The following THADA variants were observed in gnomAD, a reference collection of about 807,000 sequenced individuals.
THADA encodes tRNA (32-2'-O)-methyltransferase regulator THADA.
Under a neutral mutation model 219.8 loss-of-function variants are expected in THADA, and 213 were observed. That is an observed-to-expected ratio of 0.97 (90% CI 0.87 to 1.09). THADA has a LOEUF of 1.09. Ranked by LOEUF, THADA falls within the 50% of genes least tolerant of loss-of-function variation. THADA has a pLI of 0.00. For missense variants in THADA, 2,956 were observed against 2,311.3 expected (o/e 1.28, Z -5.72); for synonymous variants, 1,018 against 828.9 (o/e 1.23, Z -3.92).
intron 29 of THADA, among the ~76,000 whole-genome samples, chr2:43,368,369 G>A (rs955049910): frequency 2.6e-5 from 4 of 151,908 alleles, no homozygotes; most frequent in African/African-American, 4.8e-5. Context: ...TCTCAACATC[G>A]TTAGCCCCTT....
At chr2:43,234,153 G>A (rs1338178304) in intron 36 of THADA, among the ~76,000 whole-genome samples, 1 of 152,214 alleles carries the variant, frequency 6.6e-6, no homozygotes, top group African/African-American at 2.4e-5. Context: ...TATGGGTTGG[G>A]TATTATGTAA....
At chr2:43,495,777 G>C (rs1688200504) in intron 25 of THADA, among the ~76,000 whole-genome samples, 1 of 152,158 alleles carries the variant, frequency 6.6e-6, no homozygotes, top group Non-Finnish European at 1.5e-5. Context: ...TGATATTTCT[G>C]ACAATCACTT....
At chr2:43,251,700 C>T (rs551766029) in intron 36 of THADA, among the ~76,000 whole-genome samples, 1 of 152,338 alleles carries the variant, frequency 6.6e-6, no homozygotes, top group African/African-American at 2.4e-5. Context: ...TCATGTCATG[C>T]ACCTTACAAT....
chr2:43,541,806 T>C (rs935232145), intron 20 of THADA, among the ~76,000 whole-genome samples: 1 of 152,194 alleles, frequency 6.6e-6, no homozygotes, highest in African/African-American at 2.4e-5. Flanking sequence ...GTATTTTAAT[T>C]TATTATTTTC....
At chr2:43,583,170 G>A (rs1017140453) in intron 7 of THADA, among the ~76,000 whole-genome samples, 1 of 151,976 alleles carries the variant, frequency 6.6e-6, no homozygotes, top group East Asian at 1.9e-4. Flanking sequence ...TTTTTACTTG[G>A]ATGTCTAACA....
At chr2:43,380,758 T>C (rs1671912646) in intron 29 of THADA, among the ~76,000 whole-genome samples, 1 of 152,076 alleles carries the variant, frequency 6.6e-6, no homozygotes, top group Admixed American at 6.5e-5. Context: ...ATTCTATACC[T>C]AGAAAAGGGA....
chr2:43,578,042 C>T (rs1412748057), intron 9 of THADA, among the ~76,000 whole-genome samples: 1 of 151,584 alleles, frequency 6.6e-6, no homozygotes, highest in Non-Finnish European at 1.5e-5. Context: ...GTTATTGTTG[C>T]TTTATCTGAA....
intron 36 of THADA, among the ~76,000 whole-genome samples, chr2:43,255,007 C>G (rs1238444571): frequency 6.6e-6 from 1 of 152,138 alleles, no homozygotes; most frequent in African/African-American, 2.4e-5. Context: ...TCAAAACCAA[C>G]CAAAGCAGCT....
intron 36 of THADA, among the ~76,000 whole-genome samples, chr2:43,267,304 G>A (rs1422153939): frequency 6.6e-6 from 1 of 152,208 alleles, no homozygotes; most frequent in African/African-American, 2.4e-5. Context: ...TGAGAGGGTG[G>A]ACTCCCAACA....
In THADA at chr2:43,589,345, T is replaced by C. The variant is rs543620167; in HGVS notation, c.302+1479A>G. Among the ~76,000 whole-genome samples, 6 of 152,308 alleles carry C rather than the reference T, an allele frequency of 3.9e-5. No individual in the cohort carries two copies. The East Asian group carries it at 1.2e-3, about 29-fold the overall frequency. On this transcript the variant is annotated intron_variant, in intron 4 of 37. Coordinates refer to ENST00000405975, the MANE Select transcript of THADA (RefSeq NM_022065.5). ...TAACAGGGATGAACCTTAAGGACAT[T>C]ATGTTAAGTGAAATAAGTCAGTCAC...
intron 29 of THADA, among the ~76,000 whole-genome samples, chr2:43,394,189 T>C (rs564299041): frequency 6.6e-6 from 1 of 152,366 alleles, no homozygotes; most frequent in South Asian, 2.1e-4. Context: ...CCTTTTCTAA[T>C]GTGTGTTACT....
chr2:43,592,334 T>C lies in THADA; in HGVS notation c.59A>G (p.Asp20Gly), dbSNP rs1180750653. ...TCACCTACATTTCAAAGTTTCAAGG[T>C]CCTGATGGCAAATGGTCAGCGCAGC... The part of the protein sequence containing the change: ...QVAALTICHQ[D>G]LETLKSFADV... Residue 20 changes from aspartate (D) to glycine (G), a missense_variant, in exon 2 of 38, where the codon GAC becomes GGC. Asp to Gly is a moderately conservative substitution (Grantham distance 94). Transcript: ENST00000405975. 6.8e-6 allele frequency: 11 copies of C among 1,607,414 alleles called. No individual in the cohort carries two copies. Among genetic ancestry groups the C allele is most frequent in the Non-Finnish European group, 9.3e-6 (11 of 1,177,012 alleles).
chr2:43,232,379 C>T (rs891323454), intron 37 of THADA, among the ~76,000 whole-genome samples: 6 of 152,038 alleles, frequency 3.9e-5, no homozygotes, highest in East Asian at 1.9e-4. Context: ...GGGGTTTCAC[C>T]GTGTTAGCCA....
At chr2:43,290,597 A>AT (rs2104360327) in intron 34 of THADA, among the ~76,000 whole-genome samples, 1 of 152,142 alleles carries the variant, frequency 6.6e-6, no homozygotes, top group African/African-American at 2.4e-5. Context: ...ATTTAATGTA[A>AT]TTATCTAACT....
Position 43,505,751 on chromosome 2 carries a change from G to T in THADA, c.3508-16C>A. The stretch of plus-strand genomic sequence containing the variant: ...CCAACAGTGCCTATGGAAAAAGAAT[G>T]CAAAAATTAACAGGGTTCTTAGTTT... On this transcript the variant is annotated splice_polypyrimidine_tract_variant and intron_variant, in intron 23 of 37. Coordinates refer to ENST00000405975, the MANE Select transcript of THADA (RefSeq NM_022065.5). 6.5e-7 allele frequency: 1 copy of T among 1,539,928 alleles called. No homozygotes were observed. Among genetic ancestry groups the T allele is most frequent in the Non-Finnish European group, 8.8e-7 (1 of 1,131,226 alleles).
At position 43,467,687 on chromosome 2, in the gene THADA, C is replaced by T. The variant is rs150599505; in HGVS notation, c.3836+17547G>A. ...CAAACTACATCTGTTTTGAGGCTCA[C>T]AGTATAAACTGGTAAATAAGAAAAA... On this transcript the variant is annotated intron_variant, in intron 26 of 37. Coordinates refer to ENST00000405975, the MANE Select transcript of THADA (RefSeq NM_022065.5). Among the ~76,000 whole-genome samples, 8 of 152,266 alleles carry T rather than the reference C, an allele frequency of 5.3e-5. No individual in the cohort carries two copies. The East Asian group carries it at 7.7e-4, about 15-fold the overall frequency.
chr2:43,560,911 G>A (rs1219435496), intron 15 of THADA, among the ~76,000 whole-genome samples: 1 of 151,906 alleles, frequency 6.6e-6, no homozygotes, highest in Non-Finnish European at 1.5e-5. Context: ...CAGCTACTTG[G>A]GAGGCTGAGG....
In THADA at chr2:43,571,720, G is replaced by C; in HGVS notation, c.2051C>G (p.Ser684Cys). The C allele has an allele frequency of 1.2e-6, 2 of 1,613,342 alleles. No homozygotes were observed. The highest frequency in any genetic ancestry group is 1.7e-6 in the Non-Finnish European group (2 of 1,179,592). The stretch of plus-strand genomic sequence containing the variant: ...GGGAAATTCTACCTTTTTAAGAAGA[G>C]AACAGATCTGTTGCCGCACTCCTGG... ...QSPGVRQQIC[S>C]LLKKLFCRIQ... is the part of the protein sequence containing the mutation. The change falls in exon 13 of 38, where the codon TCT (serine) becomes TGT (cysteine). Residue 684 changes from serine (S) to cysteine (C), a missense_variant. Coordinates refer to ENST00000405975, the MANE Select transcript of THADA (RefSeq NM_022065.5).
intron 1 of THADA, among the ~76,000 whole-genome samples, chr2:43,594,006 C>A (rs867582402): frequency 2.0e-5 from 3 of 152,116 alleles, no homozygotes; most frequent in South Asian, 4.1e-4. Context: ...CAGATCAATA[C>A]AAAGGAAAAG....
Sources: allele counts gnomAD v4.1 joint callset (sites outside exome capture counted in the v4.1 genomes callset), GRCh38; gene constraint gnomAD v4.1.1; transcripts MANE v1.5; gene names NCBI Gene and HGNC (gene_info 2026-07-23, HGNC 2026-07-21).